The following DNM3 variants were observed in gnomAD, a reference collection of about 807,000 sequenced individuals.
DNM3 encodes dynamin 3.
A neutral mutation model predicts 101.6 loss-of-function variants in DNM3; 47 were observed. The observed-to-expected ratio is 0.46, with a 90% CI of 0.37 to 0.59. The LOEUF (loss-of-function observed/expected upper bound fraction) is 0.59, where lower values mean the gene tolerates loss of function less well. Among genes scored for constraint, DNM3 ranks in the 20% least tolerant of loss-of-function variants. The probability of loss-of-function intolerance (pLI) is 0.00; values close to 1 mark genes in which losing one functional copy is unlikely to be tolerated. For missense variants in DNM3, 849 were observed against 1,085.7 expected (o/e 0.78, Z 3.06); for synonymous variants, 385 against 387.9 (o/e 0.99, Z 0.09).
intron 2 of DNM3, among the ~76,000 whole-genome samples, chr1:171,944,040 A>G (rs2041988392): frequency 6.6e-6 from 1 of 152,152 alleles, no homozygotes; most frequent in Non-Finnish European, 1.5e-5. Flanking sequence ...AGGGCCAGAT[A>G]TTTTAGGCTT....
intron 17 of DNM3, among the ~76,000 whole-genome samples, chr1:172,375,519 C>T (rs2068550758): frequency 6.6e-6 from 1 of 151,854 alleles, no homozygotes; most frequent in South Asian, 2.1e-4. Flanking sequence ...GTGTTTTCAT[C>T]GTGATGACCT....
At chr1:171,867,920 TTAAAC>T (rs141224477) in intron 1 of DNM3, among the ~76,000 whole-genome samples, 2,624 of 152,330 alleles carry the variant, frequency 0.017, 62 homozygotes, top group African/African-American at 0.059. Context: ...TCATTGTTAA[TTAAAC>T]TAAGATACTT....
chr1:171,955,344 G>A (rs1289499179), intron 2 of DNM3, among the ~76,000 whole-genome samples: 1 of 152,064 alleles, frequency 6.6e-6, no homozygotes, highest in African/African-American at 2.4e-5. Context: ...CTAAAATATA[G>A]TTATTTTAAC....
intron 14 of DNM3, among the ~76,000 whole-genome samples, chr1:172,161,660 G>A (rs2058550953): frequency 1.3e-5 from 2 of 151,916 alleles, no homozygotes. Context: ...GGCCTGAGGA[G>A]GACTTTATGG....
At chr1:172,351,923 A>T (rs972457663) in intron 17 of DNM3, among the ~76,000 whole-genome samples, 5 of 152,170 alleles carry the variant, frequency 3.3e-5, no homozygotes, top group African/African-American at 1.2e-4. Flanking sequence ...TAAGTGACAA[A>T]TTCCGATCCG....
At chr1:172,391,095 G>A (rs967776844) in intron 20 of DNM3, among the ~76,000 whole-genome samples, 1 of 152,216 alleles carries the variant, frequency 6.6e-6, no homozygotes, top group Admixed American at 6.5e-5. Context: ...GCCGGCACAT[G>A]GGCAGCAGGG....
chr1:171,894,157 C>A (rs769664466), intron 1 of DNM3, among the ~76,000 whole-genome samples: 5 of 151,242 alleles, frequency 3.3e-5, no homozygotes, highest in Non-Finnish European at 7.4e-5. Flanking sequence ...GGGGTTTTAC[C>A]ATGTTGGCCA....
At chr1:172,219,532 G>A (rs1286514352) in intron 14 of DNM3, among the ~76,000 whole-genome samples, 1 of 152,054 alleles carries the variant, frequency 6.6e-6, no homozygotes, top group African/African-American at 2.4e-5. Flanking sequence ...TTCCAGCTAA[G>A]AGAGTGTACA....
At chr1:172,115,982 A>C (rs1370508578) in intron 13 of DNM3, among the ~76,000 whole-genome samples, 3 of 152,198 alleles carry the variant, frequency 2.0e-5, no homozygotes, top group African/African-American at 7.2e-5. Context: ...ATAGGTACTC[A>C]ATTAACGTAG....
chr1:172,413,312 C>T (rs541514895), downstream of DNM3, among the ~76,000 whole-genome samples: 28 of 152,200 alleles, frequency 1.8e-4, no homozygotes, highest in East Asian at 5.8e-4. Flanking sequence ...CTGCAAGCTC[C>T]GCCTCCCGGG....
chr1:172,195,660 C>A (rs747713428), intron 14 of DNM3, among the ~76,000 whole-genome samples: 1 of 151,890 alleles, frequency 6.6e-6, no homozygotes, highest in Non-Finnish European at 1.5e-5. Context: ...TTTTCTTCTG[C>A]ATCTATCGAT....
At chr1:171,935,918 A>T (rs1307692589) in intron 2 of DNM3, among the ~76,000 whole-genome samples, 1 of 151,598 alleles carries the variant, frequency 6.6e-6, no homozygotes, top group Non-Finnish European at 1.5e-5. Context: ...AATGTGCCTG[A>T]GGGTAATTTG....
chr1:172,237,929 G>A (rs2061606333), intron 14 of DNM3, among the ~76,000 whole-genome samples: 1 of 152,136 alleles, frequency 6.6e-6, no homozygotes, highest in Non-Finnish European at 1.5e-5. Context: ...TGTACTGGGT[G>A]ACCCCACCAG....
intron 1 of DNM3, among the ~76,000 whole-genome samples, chr1:171,856,231 A>G (rs1386826146): frequency 6.6e-6 from 1 of 151,798 alleles, no homozygotes; most frequent in African/African-American, 2.4e-5. Context: ...CCATCAGTCT[A>G]TGTGTTTGTT....
At chr1:171,987,916 C>A in intron 3 of DNM3, 111 bp downstream of exon 3, 1 of 1,028,344 alleles carries the variant, frequency 9.7e-7, no homozygotes, top group Non-Finnish European at 1.3e-6. Flanking sequence ...TCTAGGGTAT[C>A]CTTTGGATAC....
intron 14 of DNM3, among the ~76,000 whole-genome samples, chr1:172,247,116 C>G (rs1398040722): frequency 6.6e-6 from 1 of 152,036 alleles, no homozygotes; most frequent in Non-Finnish European, 1.5e-5. Flanking sequence ...GGACTGAGTT[C>G]TTGGTGGCAT....
At chr1:172,287,487 T>C (rs2148807037) in intron 15 of DNM3, among the ~76,000 whole-genome samples, 1 of 152,340 alleles carries the variant, frequency 6.6e-6, no homozygotes, top group East Asian at 1.9e-4. Context: ...GCAGCTGCAC[T>C]TACAGTAAAT....
chr1:171,960,951 G>A (rs2043175541), intron 2 of DNM3, among the ~76,000 whole-genome samples: 2 of 152,114 alleles, frequency 1.3e-5, no homozygotes, highest in African/African-American at 2.4e-5. Context: ...CAGTTGAGTT[G>A]GAAGTAGTAG....
chr1:172,137,745 C>T (rs2057323064), intron 14 of DNM3: 1 of 152,128 alleles, frequency 6.6e-6, no homozygotes, highest in African/African-American at 2.4e-5. Flanking sequence ...GAAGCTAAAA[C>T]ATGTTAATGA....
Sources: gnomAD v4.1 joint callset for allele counts (sites outside exome capture counted in the v4.1 genomes callset) on GRCh38, gnomAD v4.1.1 for gene constraint, MANE v1.5 for transcripts, NCBI Gene and HGNC (gene_info 2026-07-23, HGNC 2026-07-21) for gene names.